SYBU: variants seen among roughly 807,000 people sequenced by gnomAD.
SYBU encodes GOLSYN A protein.
SYBU carries 21 observed loss-of-function variants against 35.9 expected under a neutral mutation model. The ratio of observed to expected loss-of-function variants is 0.58; its 90% CI spans 0.41 to 0.84. The LOEUF (loss-of-function observed/expected upper bound fraction) is 0.84, where lower values mean the gene tolerates loss of function less well. SYBU is among the 40% of genes least tolerant of loss of function. SYBU has a pLI of 0.00. For synonymous variants in SYBU, 319 were observed against 324.3 expected, an observed-to-expected ratio of 0.98 and a Z score of 0.18; for missense variants, 768 against 848.2, an observed-to-expected ratio of 0.91 and a Z score of 1.17.
At chr8:109,662,095 A>G (rs1323917241) in intron 1 of SYBU, among the ~76,000 whole-genome samples, 1 of 152,192 alleles carries the variant, frequency 6.6e-6, no homozygotes, top group African/African-American at 2.4e-5. Context: ...CCATGTTACC[A>G]TTATTCCTTT....
At chr8:109,689,345 T>A (rs1181585395) in intron 1 of SYBU, among the ~76,000 whole-genome samples, 1 of 152,178 alleles carries the variant, frequency 6.6e-6, no homozygotes, top group Non-Finnish European at 1.5e-5. Flanking sequence ...TATTAATTTA[T>A]TTTTGAGACA....
At chr8:109,645,035 GC>G (rs1815483888), upstream of SYBU, 2 of 493,384 alleles carry the variant, frequency 4.1e-6, no homozygotes, top group South Asian at 3.4e-5. Context: ...AAGGAGCTCG[GC>G]CCGGTGTAGG....
chr8:109,632,302 A>G (rs1813714268), intron 2 of SYBU, among the ~76,000 whole-genome samples: 1 of 152,218 alleles, frequency 6.6e-6, no homozygotes, highest in Non-Finnish European at 1.5e-5. Flanking sequence ...TGGCCTCCCA[A>G]AGTGCTGGGA....
intron 3 of SYBU, among the ~76,000 whole-genome samples, chr8:109,610,573 G>A (rs746834829): frequency 9.9e-5 from 15 of 152,182 alleles, no homozygotes; most frequent in Non-Finnish European, 1.3e-4. Context: ...GACCGCAGTC[G>A]GCATTCATAT....
Position 109,579,808 on chromosome 8 carries a change from G to C in SYBU, c.725C>G (p.Pro242Arg). The C allele has an allele frequency of 6.2e-7, 1 of 1,613,934 alleles. No individual in the cohort carries two copies. Among genetic ancestry groups the C allele is most frequent in the African/African-American group, 1.3e-5 (1 of 75,016 alleles). The change falls in exon 5 of 7, where the codon CCC (proline) becomes CGC (arginine). Residue 242 changes from proline (P) to arginine (R), a missense_variant. Coordinates refer to ENST00000276646, the MANE Select transcript of SYBU (RefSeq NM_001099754.2). ...GGTGAGCAGGACTCACCTCATGATG[G>C]GGCTACAGTCGCTTCCTTTGTAGGA... ...SGSYKGSDCS[P>R]IMRRSGRYMS...
At chr8:109,608,641 A>G (rs944971068) in intron 3 of SYBU, among the ~76,000 whole-genome samples, 1 of 152,208 alleles carries the variant, frequency 6.6e-6, no homozygotes, top group African/African-American at 2.4e-5. Context: ...GCTCTCCATT[A>G]TTTCAGAATA....
intron 2 of SYBU, among the ~76,000 whole-genome samples, chr8:109,621,379 C>T (rs1812381513): frequency 6.6e-6 from 1 of 152,090 alleles, no homozygotes; most frequent in African/African-American, 2.4e-5. Flanking sequence ...GAGTGTGATG[C>T]CTCACCTGTC....
Position 109,575,007 on chromosome 8 carries a change from C to T in SYBU, c.1891G>A (p.Gly631Arg), listed in dbSNP as rs779117303. Residue 631 changes from glycine (G) to arginine (R), a missense_variant, in exon 7 of 7, where the codon GGG (glycine) becomes AGG (arginine). Coordinates refer to ENST00000276646, the MANE Select transcript of SYBU (RefSeq NM_001099754.2). ...ATGTTATACACAGGATCCGTTCCCC[C>T]TCTCTGAGTACTGAATGCCCACAGA... ...TVLWAFSTQR[G>R]GTDPVYNIGA... is the part of the protein sequence containing the mutation. 3.8e-6 allele frequency: 6 copies of T among 1,589,770 alleles called. No individual in the cohort carries two copies. Among genetic ancestry groups the T allele is most frequent in the South Asian group, 3.4e-5 (3 of 88,070 alleles).
At chr8:109,660,954 T>C (rs1284062546) in intron 1 of SYBU, among the ~76,000 whole-genome samples, 1 of 152,180 alleles carries the variant, frequency 6.6e-6, no homozygotes, top group Admixed American at 6.5e-5. Context: ...TAAGAAATTC[T>C]CAGTGTCATA....
At chr8:109,609,895 G>C (rs918019631) in intron 3 of SYBU, among the ~76,000 whole-genome samples, 3 of 152,062 alleles carry the variant, frequency 2.0e-5, no homozygotes, top group African/African-American at 7.2e-5. Flanking sequence ...TCCAAATTTA[G>C]TGTCTTGCTT....
At chr8:109,669,613 G>T (rs952509415) in intron 1 of SYBU, among the ~76,000 whole-genome samples, 7 of 152,162 alleles carry the variant, frequency 4.6e-5, no homozygotes, top group Non-Finnish European at 1.0e-4. Flanking sequence ...CCAATTAAAT[G>T]CTTCTTTGGG....
At chr8:109,663,753 C>T (rs571191098) in intron 1 of SYBU, among the ~76,000 whole-genome samples, 2 of 151,952 alleles carry the variant, frequency 1.3e-5, no homozygotes, top group Admixed American at 6.6e-5. Context: ...AGTGATTTTA[C>T]TCCTTTTGCC....
Position 109,618,832 on chromosome 8 carries a change from G to A in SYBU, c.427+10C>T, listed in dbSNP as rs1477174079. ...GTTCTGATGAAAACATGACGAGTAA[G>A]TTCACTGACCTGGTTTCACAAGGCC... On this transcript the variant is annotated intron_variant, in intron 3 of 6. Coordinates refer to ENST00000276646, the MANE Select transcript of SYBU (RefSeq NM_001099754.2). 1.2e-6 allele frequency: 2 copies of A among 1,613,004 alleles called. No individual in the cohort carries two copies. The highest frequency in any genetic ancestry group is 2.7e-5 in the African/African-American group (2 of 74,916).
intron 2 of SYBU, among the ~76,000 whole-genome samples, chr8:109,630,526 T>C (rs574928188): frequency 7.8e-4 from 119 of 152,146 alleles, no homozygotes; most frequent in African/African-American, 2.8e-3. Flanking sequence ...CAAGTGGTAG[T>C]AGTGAACATT....
upstream of SYBU, among the ~76,000 whole-genome samples, chr8:109,685,237 C>T (rs773198254): frequency 8.5e-5 from 13 of 152,248 alleles, no homozygotes; most frequent in South Asian, 4.1e-4. Context: ...TTAATATACA[C>T]GAAAACATGT....
At chr8:109,653,745 T>C (rs765574812) in intron 1 of SYBU, among the ~76,000 whole-genome samples, 17 of 152,132 alleles carry the variant, frequency 1.1e-4, no homozygotes, top group Non-Finnish European at 2.4e-4. Context: ...TTTCTCCTGA[T>C]TGACAGACAA....
chr8:109,575,840 T>G lies in SYBU; in HGVS notation c.1058A>C (p.Lys353Thr). The G allele has an allele frequency of 6.2e-7, 1 of 1,613,982 alleles. No individual in the cohort carries two copies. The highest frequency in any genetic ancestry group is 8.5e-7 in the Non-Finnish European group (1 of 1,179,960). ...GTCCACAAAATATTTCTGAATGCCT[T>G]TATCTTTATCAGCCAAGCTGCTCCG... ...TMRSSLADKD[K>T]GIQKYFVDIN... is the part of the protein sequence containing the mutation. The change falls in exon 7 of 7, where the codon AAA (lysine) becomes ACA (threonine). Residue 353 changes from lysine to threonine, a missense_variant. Physicochemically the swap from Lys to Thr is moderately conservative, Grantham distance 78. Coordinates refer to ENST00000276646, the MANE Select transcript of SYBU (RefSeq NM_001099754.2).
chr8:109,617,537 T>C (rs558945065), intron 3 of SYBU, among the ~76,000 whole-genome samples: 159 of 152,312 alleles, frequency 1.0e-3, no homozygotes, highest in Middle Eastern at 0.01. Flanking sequence ...TCCTAGCCCT[T>C]GGGTACACAA....
intron 1 of SYBU, among the ~76,000 whole-genome samples, chr8:109,688,330 A>G (rs566109872): frequency 6.6e-6 from 1 of 152,350 alleles, no homozygotes; most frequent in South Asian, 2.1e-4. Context: ...AAGTTCTGGA[A>G]AGTTCTGAAG....
Sources: gnomAD v4.1 joint callset for allele counts (sites outside exome capture counted in the v4.1 genomes callset) on GRCh38, gnomAD v4.1.1 for gene constraint, MANE v1.5 for transcripts, NCBI Gene and HGNC (gene_info 2026-07-23, HGNC 2026-07-21) for gene names.